Variants in CDH6 observed in about 807,000 individuals in gnomAD.
CDH6 encodes cadherin-6.
CDH6 carries 31 observed loss-of-function variants against 78.0 expected under a neutral mutation model. That is an observed-to-expected ratio of 0.40 (90% CI 0.30 to 0.54). CDH6 has a LOEUF of 0.54. Among genes scored for constraint, CDH6 ranks in the 20% least tolerant of loss-of-function variants. The probability of loss-of-function intolerance (pLI) is 0.56; values close to 1 mark genes in which losing one functional copy is unlikely to be tolerated. For synonymous variants in CDH6, 376 were observed against 368.8 expected, an observed-to-expected ratio of 1.02 and a Z score of -0.23; for missense variants, 724 against 975.9, an observed-to-expected ratio of 0.74 and a Z score of 3.44.
At chr5:31,299,433 C>T (rs780938819) in intron 4 of CDH6, 31 bp from the exon 5 acceptor site, 4 of 1,556,240 alleles carry the variant, frequency 2.6e-6, no homozygotes, top group Non-Finnish European at 1.8e-6. Flanking sequence ...CTTAATGCAT[C>T]CCTTTGCACT....
intron 1 of CDH6, among the ~76,000 whole-genome samples, chr5:31,246,342 C>T (rs1011757336): frequency 5.3e-5 from 8 of 152,132 alleles, no homozygotes; most frequent in Admixed American, 5.2e-4. Context: ...CTCCATTGCA[C>T]CCTATTGCTC....
At chr5:31,295,063 A>G (rs1425062240) in intron 3 of CDH6, among the ~76,000 whole-genome samples, 3 of 152,214 alleles carry the variant, frequency 2.0e-5, no homozygotes, top group African/African-American at 4.8e-5. Context: ...CTTTATTATG[A>G]TTCTGTCAGT....
chr5:31,199,898 C>G (rs1468962446), intron 1 of CDH6, among the ~76,000 whole-genome samples: 1 of 151,872 alleles, frequency 6.6e-6, no homozygotes, highest in African/African-American at 2.4e-5. Flanking sequence ...CCCTACTATA[C>G]TTGTATCCTC....
chr5:31,204,553 A>G (rs1561021579), intron 1 of CDH6, among the ~76,000 whole-genome samples: 1 of 152,246 alleles, frequency 6.6e-6, no homozygotes, highest in African/African-American at 2.4e-5. Flanking sequence ...ATTGGGCACT[A>G]TAGAATAAAA....
intron 1 of CDH6, among the ~76,000 whole-genome samples, chr5:31,256,996 C>T (rs992666578): frequency 2.6e-5 from 4 of 152,118 alleles, no homozygotes; most frequent in Admixed American, 6.5e-5. Context: ...TCACGACTTT[C>T]GACAGTAATT....
intron 7 of CDH6, among the ~76,000 whole-genome samples, chr5:31,310,093 G>A (rs771859734): frequency 2.0e-5 from 3 of 152,178 alleles, no homozygotes; most frequent in African/African-American, 7.2e-5. Flanking sequence ...CAAGTCCAAA[G>A]TTTCATCCAA....
chr5:31,267,438 G>C lies in CDH6; in HGVS notation c.-36G>C, dbSNP rs779691971. 4 of 1,501,670 alleles carry C rather than the reference G, an allele frequency of 2.7e-6. No homozygotes were observed. Among genetic ancestry groups the C allele is most frequent in the South Asian group, 1.1e-5 (1 of 88,814 alleles). The allele number at this position is 1,501,670 out of a possible 1,614,324, so 93.0% of individuals were successfully genotyped here. A position where few individuals can be genotyped will look rare whatever the true frequency, so the allele number is the denominator to read the frequency against. On this transcript the variant is annotated 5_prime_UTR_variant, in exon 2 of 12. Transcript: ENST00000265071. ...TGAAAAAGGCACTTCCAAGAGTGGGGCACTCACTACGCACAGACTCGACGG... is the reference window on the plus strand; with the variant it reads ...TGAAAAAGGCACTTCCAAGAGTGGGCCACTCACTACGCACAGACTCGACGG...
Position 31,316,226 on chromosome 5 carries a change from G to C in CDH6, c.1409G>C (p.Ser470Thr), listed in dbSNP as rs1738320092. 6.2e-7 allele frequency: 1 copy of C among 1,609,562 alleles called. No homozygotes were observed. The highest frequency in any genetic ancestry group is 1.1e-5 in the South Asian group (1 of 89,624). The change falls in exon 9 of 12, where the codon AGT becomes ACT. Residue 470 changes from serine to threonine, a missense_variant. This residue lies in a region of CDH6 where 446 missense variants were observed against 684.5 expected (regional missense o/e 0.65). Coordinates refer to ENST00000265071, the MANE Select transcript of CDH6 (RefSeq NM_004932.4). The part of the protein sequence containing the change: ...ATEINNPKQS[S>T]RVPLYIKVLD... ...GTGACAGATAATCCAAAGCAAAGTA[G>C]TCGAGTACCTCTATATATTAAAGTT...
At chr5:31,266,344 C>T (rs1579864897) in intron 1 of CDH6, among the ~76,000 whole-genome samples, 1 of 152,114 alleles carries the variant, frequency 6.6e-6, no homozygotes, top group Non-Finnish European at 1.5e-5. Flanking sequence ...CAGTTTGTTA[C>T]AGTTCTTACA....
In CDH6 at chr5:31,199,460, A is replaced by G. The variant is rs371370276; in HGVS notation, c.-129+5574A>G. 2.5e-4 allele frequency among the ~76,000 whole-genome samples: 6 copies of G among 23,760 alleles called. No individual in the cohort carries two copies. In the East Asian group the frequency reaches 0.029, roughly 113 times the overall value. The allele number at this position is 23,760 out of a possible 152,430, so 15.6% of individuals were successfully genotyped here. On this transcript the variant is annotated intron_variant, in intron 1 of 11. Coordinates refer to ENST00000265071, the MANE Select transcript of CDH6 (RefSeq NM_004932.4). ...TGTATATATACACACACATATGTGTATATATACACACACATATGTGTATAT... is the reference window on the plus strand; with the variant it reads ...TGTATATATACACACACATATGTGTGTATATACACACACATATGTGTATAT...
intron 1 of CDH6, among the ~76,000 whole-genome samples, chr5:31,226,895 A>G (rs1429528215): frequency 6.6e-6 from 1 of 152,162 alleles, no homozygotes; most frequent in Admixed American, 6.5e-5. Flanking sequence ...CTAATTAAGG[A>G]TTTTGAAGTA....
chr5:31,204,782 T>C (rs1191001093), intron 1 of CDH6, among the ~76,000 whole-genome samples: 3 of 152,172 alleles, frequency 2.0e-5, no homozygotes, highest in East Asian at 3.8e-4. Context: ...TCTATAATCT[T>C]GTAAAAGACT....
chr5:31,327,784 AT>A lies in CDH6; in HGVS notation c.*4477del, dbSNP rs1490545429. The stretch of plus-strand genomic sequence containing the variant: ...TCTAAAGGGTAATTCTCTACTAAAA[AT>A]ATCAGACCCCGACCATATTTAATGT... On this transcript the variant is annotated 3_prime_UTR_variant, in exon 12 of 12. Transcript: ENST00000265071. 4.7e-6 allele frequency: 1 copy of A among 210,924 alleles called. No homozygotes were observed. The highest frequency in any genetic ancestry group is 5.9e-5 in the Admixed American group (1 of 16,954). The allele number at this position is 210,924 out of a possible 1,614,324, so 13.1% of individuals were successfully genotyped here.
Position 31,279,091 on chromosome 5 carries a change from A to C in CDH6, c.228+11390A>C, listed in dbSNP as rs530605674. On this transcript the variant is annotated intron_variant, in intron 2 of 11. Coordinates refer to ENST00000265071, the MANE Select transcript of CDH6 (RefSeq NM_004932.4). ...AATAAGAAAAGCATTATACTTGAAC[A>C]TTGAACAACCCAAGGGTTCAGGGCA... 6.6e-5 allele frequency among the ~76,000 whole-genome samples: 10 copies of C among 152,328 alleles called. No homozygotes were observed. The East Asian group carries it at 1.9e-3, about 29-fold the overall frequency.
intron 1 of CDH6, among the ~76,000 whole-genome samples, chr5:31,195,961 T>A (rs1740151262): frequency 6.6e-6 from 1 of 152,252 alleles, no homozygotes. Context: ...TCTACAATTA[T>A]CTTTTGCTAC....
intron 1 of CDH6, among the ~76,000 whole-genome samples, chr5:31,238,281 A>G (rs1442602164): frequency 6.6e-6 from 1 of 152,234 alleles, no homozygotes; most frequent in Non-Finnish European, 1.5e-5. Flanking sequence ...AAACAATCCA[A>G]TGGGAGAGCC....
At chr5:31,313,477 G>A (rs1738211565) in intron 8 of CDH6, 23 bp downstream of exon 8, 1 of 1,607,816 alleles carries the variant, frequency 6.2e-7, no homozygotes, top group South Asian at 1.1e-5. Context: ...TAATACCGCT[G>A]CTGTCCCCTA....
chr5:31,200,745 G>A (rs1384818533), intron 1 of CDH6, among the ~76,000 whole-genome samples: 1 of 151,788 alleles, frequency 6.6e-6, no homozygotes, highest in Non-Finnish European at 1.5e-5. Context: ...AAGGGAGGGA[G>A]GAAGAAACCC....
intron 7 of CDH6, among the ~76,000 whole-genome samples, chr5:31,308,751 A>G (rs1446218655): frequency 6.6e-6 from 1 of 152,020 alleles, no homozygotes; most frequent in Non-Finnish European, 1.5e-5. Flanking sequence ...AAAAATTCTC[A>G]CCTCTTACCC....
Sources: allele counts gnomAD v4.1 joint callset (sites outside exome capture counted in the v4.1 genomes callset), GRCh38; gene constraint gnomAD v4.1.1; regional missense constraint gnomAD v4.1.1; transcripts MANE v1.5; gene names NCBI Gene and HGNC (gene_info 2026-07-23, HGNC 2026-07-21).